VPS13A: variants seen among roughly 807,000 people sequenced by gnomAD.
VPS13A encodes the protein intermembrane lipid transfer protein VPS13A.
VPS13A carries 264 observed loss-of-function variants against 390.9 expected under a neutral mutation model. The observed-to-expected ratio is 0.68, with a 90% CI of 0.61 to 0.75. The LOEUF (loss-of-function observed/expected upper bound fraction) is 0.75, where lower values mean the gene tolerates loss of function less well. Ranked by LOEUF, VPS13A falls within the 30% of genes least tolerant of loss-of-function variation. The probability of loss-of-function intolerance (pLI) is 0.00; values close to 1 mark genes in which losing one functional copy is unlikely to be tolerated. For missense variants in VPS13A, 3,409 were observed against 3,733.9 expected (o/e 0.91, Z 2.27); for synonymous variants, 1,231 against 1,227.1 (o/e 1.00, Z -0.07).
At chr9:77,393,940 A>C (rs1477277815) in intron 68 of VPS13A, among the ~76,000 whole-genome samples, 3 of 151,790 alleles carry the variant, frequency 2.0e-5, no homozygotes, top group Non-Finnish European at 2.9e-5. Context: ...GCTAATTTTC[A>C]TATTTTTAGT....
At chr9:77,207,236 T>C (rs11145332) in intron 5 of VPS13A, among the ~76,000 whole-genome samples, 2 of 88,936 alleles carry the variant, frequency 2.2e-5, no homozygotes, top group Admixed American at 1.5e-4. Context: ...TATATATATA[T>C]ATATATATAT....
chr9:77,287,382 G>A (rs1193803454), intron 31 of VPS13A, among the ~76,000 whole-genome samples: 1 of 151,538 alleles, frequency 6.6e-6, no homozygotes, highest in Non-Finnish European at 1.5e-5. Context: ...TTGTAGAGAT[G>A]GGGTTTCAAC....
chr9:77,303,568 C>T (rs945810990), intron 34 of VPS13A, among the ~76,000 whole-genome samples: 1 of 152,124 alleles, frequency 6.6e-6, no homozygotes, highest in Non-Finnish European at 1.5e-5. Flanking sequence ...CAAGGACCTG[C>T]ACTGGCACCG....
intron 19 of VPS13A, among the ~76,000 whole-genome samples, chr9:77,246,170 G>A (rs889707380): frequency 2.6e-5 from 4 of 152,066 alleles, no homozygotes; most frequent in African/African-American, 7.2e-5. Context: ...CTGTAGCACA[G>A]GCTTAGGTTA....
intron 67 of VPS13A, among the ~76,000 whole-genome samples, chr9:77,379,841 G>A (rs552760777): frequency 6.6e-5 from 10 of 152,270 alleles, no homozygotes; most frequent in Admixed American, 2.0e-4. Context: ...TGGTTTGAAC[G>A]TTCTATAGAC....
chr9:77,335,994 G>C (rs1317298492), intron 46 of VPS13A, among the ~76,000 whole-genome samples: 1 of 152,110 alleles, frequency 6.6e-6, no homozygotes, highest in African/African-American at 2.4e-5. Flanking sequence ...AAGGAAATGT[G>C]GCACGTATAC....
intron 52 of VPS13A, among the ~76,000 whole-genome samples, chr9:77,346,788 C>A (rs186347359): frequency 6.6e-6 from 1 of 152,116 alleles, no homozygotes; most frequent in Non-Finnish European, 1.5e-5. Context: ...AGTCAAAGTA[C>A]CAGAAAGAAG....
chr9:77,195,345 C>G (rs1446967467), intron 1 of VPS13A, among the ~76,000 whole-genome samples: 1 of 152,188 alleles, frequency 6.6e-6, no homozygotes, highest in Non-Finnish European at 1.5e-5. Context: ...AGGATGGTCT[C>G]CATCTCCTGA....
chr9:77,384,443 A>C, intron 68 of VPS13A: 1 of 1,155,306 alleles, frequency 8.7e-7, no homozygotes, highest in Non-Finnish European at 1.3e-6. Context: ...TATATCCATA[A>C]TTACAGTCTG....
chr9:77,339,849 C>T lies in VPS13A; in HGVS notation c.6712C>T (p.Pro2238Ser), dbSNP rs779178649. ...KADGIHRKHP[P>S]NYKKPVLFSF... ...AGACGGAATTCATCGAAAGCATCCA[C>T]CTAATTATAAAAAGCCAGTTCTCTT... is the stretch of plus-strand genomic sequence containing the variant. Residue 2238 changes from proline to serine, a missense_variant, in exon 48 of 72, where the codon CCT becomes TCT. This residue lies in a region of VPS13A where 2,717 missense variants were observed against 2,917.4 expected (regional missense o/e 0.93). Transcript: ENST00000360280. 1 of 1,613,806 alleles carries T rather than the reference C, an allele frequency of 6.2e-7. No individual in the cohort carries two copies. Among genetic ancestry groups the T allele is most frequent in the Admixed American group, 1.7e-5 (1 of 60,012 alleles).
At chr9:77,275,754 C>G (rs1826626320) in intron 25 of VPS13A, 102 bp downstream of exon 25, 2 of 1,352,186 alleles carry the variant, frequency 1.5e-6, no homozygotes, top group East Asian at 4.6e-5. Context: ...TCTTTTTCAC[C>G]CTAATTAAAG....
intron 23 of VPS13A, among the ~76,000 whole-genome samples, chr9:77,264,143 A>G (rs919134552): frequency 3.9e-5 from 6 of 151,940 alleles, no homozygotes; most frequent in Admixed American, 2.6e-4. Flanking sequence ...GTTCTGTTCC[A>G]TTGGTCTATA....
intron 3 of VPS13A, among the ~76,000 whole-genome samples, chr9:77,204,499 A>G (rs1306578775): frequency 6.6e-6 from 1 of 152,180 alleles, no homozygotes; most frequent in Non-Finnish European, 1.5e-5. Context: ...GTTTTCATAT[A>G]TATAGTTTAT....
At chr9:77,403,124 GT>G in intron 68 of VPS13A, 111 bp from the exon 69 acceptor site, 1 of 723,138 alleles carries the variant, frequency 1.4e-6, no homozygotes, top group Non-Finnish European at 2.4e-6. Flanking sequence ...TTTTCTCTAT[GT>G]TAATGGTTTG....
At position 77,318,604 on chromosome 9, in the gene VPS13A, T is replaced by G. The variant is rs780903737; in HGVS notation, c.5313+13T>G. 6.3e-6 allele frequency: 10 copies of G among 1,593,298 alleles called. No individual in the cohort carries two copies. The highest frequency in any genetic ancestry group is 8.6e-6 in the Non-Finnish European group (10 of 1,161,460). On this transcript the variant is annotated intron_variant, in intron 41 of 71. Transcript: ENST00000360280. ...GCTTGAGCTAGAAGTAAGCATATTTTTCCAGTTTTATAACAGATAATGATA... is the reference window on the plus strand; with the variant it reads ...GCTTGAGCTAGAAGTAAGCATATTTGTCCAGTTTTATAACAGATAATGATA...
Position 77,199,985 on chromosome 9 carries a change from C to T in VPS13A, c.141C>T (p.Ala47=), listed in dbSNP as rs1025656538. Residue 47 remains alanine (A), a synonymous_variant, in exon 2 of 72, where the codon GCC becomes GCT. Transcript: ENST00000360280. ...ALKNLQIKEN[A]LSQLDVPFKV... is the part of the protein sequence containing the mutation. ...AGAATCTTCAAATTAAAGAAAATGCCCTGGTAGGTTTTGACTATGAAAAAT... is the reference window on the plus strand; with the variant it reads ...AGAATCTTCAAATTAAAGAAAATGCTCTGGTAGGTTTTGACTATGAAAAAT... The T allele has an allele frequency of 2.9e-5, 47 of 1,604,668 alleles. No individual in the cohort carries two copies. Among genetic ancestry groups the T allele is most frequent in the Admixed American group, 1.0e-4 (6 of 59,620 alleles).
At chr9:77,203,375 G>C (rs1291570147) in intron 3 of VPS13A, among the ~76,000 whole-genome samples, 6 of 152,132 alleles carry the variant, frequency 3.9e-5, no homozygotes, top group African/African-American at 1.4e-4. Flanking sequence ...TGCAACCTAT[G>C]CCTTCCTGGC....
intron 31 of VPS13A, among the ~76,000 whole-genome samples, chr9:77,290,529 T>A (rs899237272): frequency 5.9e-5 from 9 of 151,964 alleles, no homozygotes; most frequent in Non-Finnish European, 1.3e-4. Context: ...TTTCTCCTCC[T>A]CCACTTTTTC....
intron 68 of VPS13A, chr9:77,390,017 A>G: frequency 1.1e-6 from 1 of 930,936 alleles, no homozygotes; most frequent in Non-Finnish European, 1.3e-6. Context: ...AACTGCCGTC[A>G]GCCGACGTGG....
Sources: gnomAD v4.1 joint callset for allele counts (sites outside exome capture counted in the v4.1 genomes callset) on GRCh38, gnomAD v4.1.1 for gene constraint, gnomAD v4.1.1 regional missense constraint, MANE v1.5 for transcripts, NCBI Gene and HGNC (gene_info 2026-07-23, HGNC 2026-07-21) for gene names.